The following PRPF3 variants were observed in gnomAD, a reference collection of about 807,000 sequenced individuals.
The protein encoded by PRPF3 is pre-mRNA processing factor 3, also known as U4/U6 small nuclear ribonucleoprotein Prp3.
Under a neutral mutation model 89.2 loss-of-function variants are expected in PRPF3, and 3 were observed. The ratio of observed to expected loss-of-function variants is 0.03; its 90% CI spans 0.02 to 0.09. PRPF3 has a LOEUF of 0.09. Ranked by LOEUF, PRPF3 falls within the 10% of genes least tolerant of loss-of-function variation. The pLI is 1.00. For missense variants in PRPF3, 463 were observed against 828.8 expected (o/e 0.56, Z 5.42); for synonymous variants, 270 against 289.1 (o/e 0.93, Z 0.67).
rs879968712 is a variant in PRPF3, at chr1:150,325,668, C to G, written c.146-83C>G. 43 of 1,537,576 alleles carry G rather than the reference C, an allele frequency of 2.8e-5. No individual in the cohort carries two copies. In the South Asian group the frequency reaches 4.6e-4, roughly 17 times the overall value. ...TGTTTCACTCCTGGGAATAAAATTC[C>G]AGTGTTGGTACCTGTTATAGGCCTA... On this transcript the variant is annotated intron_variant, in intron 2 of 15. Coordinates refer to ENST00000324862, the MANE Select transcript of PRPF3 (RefSeq NM_004698.4).
intron 3 of PRPF3, chr1:150,328,054 A>AATGTG (rs1655917174): frequency 4.4e-6 from 2 of 454,370 alleles, no homozygotes; most frequent in Admixed American, 3.6e-5. Flanking sequence ...AATCATTATA[A>AATGTG]ATGTGAGCAG....
chr1:150,327,319 G>A (rs1200959530), intron 3 of PRPF3, among the ~76,000 whole-genome samples: 3 of 152,040 alleles, frequency 2.0e-5, no homozygotes, highest in East Asian at 3.9e-4. Context: ...GCTCGCCTCG[G>A]CCTCCCAAAG....
At chr1:150,337,119 A>G (rs587761780) in intron 7 of PRPF3, among the ~76,000 whole-genome samples, 1 of 143,780 alleles carries the variant, frequency 7.0e-6, no homozygotes, top group African/African-American at 2.6e-5. Context: ...GCTCACTGAA[A>G]GCTCCGCCTT....
intron 5 of PRPF3, 87 bp from the exon 6 acceptor site, chr1:150,332,892 C>T: frequency 2.0e-6 from 3 of 1,488,342 alleles, no homozygotes; most frequent in South Asian, 1.1e-5. Context: ...CTACAGTCTA[C>T]CATGATGTGT....
chr1:150,334,130 C>T (rs1481005755), intron 6 of PRPF3, among the ~76,000 whole-genome samples: 1 of 151,862 alleles, frequency 6.6e-6, no homozygotes, highest in Non-Finnish European at 1.5e-5. Flanking sequence ...CATGGCAAAA[C>T]CCCATCTCTC....
At chr1:150,324,621 A>G (rs1263527216) in intron 1 of PRPF3, among the ~76,000 whole-genome samples, 2 of 147,180 alleles carry the variant, frequency 1.4e-5, no homozygotes, top group Admixed American at 1.4e-4. Context: ...TGCGATTTTG[A>G]CTTGTTGCAA....
intron 8 of PRPF3, 38 bp downstream of exon 8, chr1:150,338,364 T>G (rs782231040): frequency 6.3e-7 from 1 of 1,593,436 alleles, no homozygotes; most frequent in East Asian, 2.2e-5. Context: ...AAAACAGTTT[T>G]TAATCAGCTG....
intron 9 of PRPF3, 45 bp from the exon 10 acceptor site, chr1:150,343,264 T>G: frequency 7.3e-7 from 1 of 1,376,934 alleles, no homozygotes; most frequent in Non-Finnish European, 1.0e-6. Flanking sequence ...TATATATATA[T>G]ATGTATTCTT....
At chr1:150,335,685 G>A (rs1454848596) in intron 7 of PRPF3, among the ~76,000 whole-genome samples, 5 of 151,476 alleles carry the variant, frequency 3.3e-5, no homozygotes, top group Non-Finnish European at 7.4e-5. Flanking sequence ...GGCTGGTCTC[G>A]AACTCCTGAC....
At chr1:150,348,727 C>T (rs894397439) in intron 14 of PRPF3, 17 of 217,706 alleles carry the variant, frequency 7.8e-5, no homozygotes, top group Admixed American at 5.8e-4. Flanking sequence ...CCTCCCAAAG[C>T]GCTAGGATTA....
chr1:150,339,639 T>C (rs1657459875), intron 8 of PRPF3, among the ~76,000 whole-genome samples: 2 of 151,676 alleles, frequency 1.3e-5, no homozygotes, highest in African/African-American at 2.4e-5. Context: ...GGTTTCTCCA[T>C]GTTGGTCAGG....
intron 4 of PRPF3, among the ~76,000 whole-genome samples, chr1:150,331,651 C>T (rs918825404): frequency 1.3e-5 from 2 of 152,202 alleles, no homozygotes; most frequent in Non-Finnish European, 2.9e-5. Context: ...AGGCGTGAGC[C>T]ACCATGCCTG....
chr1:150,328,597 G>A (rs587617493), intron 4 of PRPF3, 131 bp downstream of exon 4: 24 of 1,011,308 alleles, frequency 2.4e-5, no homozygotes, highest in Non-Finnish European at 3.3e-5. Flanking sequence ...TTGTCACCCA[G>A]GCTGGAATAC....
At position 150,332,701 on chromosome 1, in the gene PRPF3, G is replaced by C; in HGVS notation, c.441G>C (p.Glu147Asp). The change falls in exon 5 of 16, where the codon GAG becomes GAC. Residue 147 changes from glutamate (E) to aspartate (D), a missense_variant. Physicochemically the swap from Glu to Asp is conservative, Grantham distance 45. This residue lies in a region of PRPF3 where 38 missense variants were observed against 48.3 expected (regional missense o/e 0.79). Coordinates refer to ENST00000324862, the MANE Select transcript of PRPF3 (RefSeq NM_004698.4). Reference sequence around the variant, plus strand: ...GAGAGCAGATCAAACAGATGATGGAGGCAGCAACACGACAAATCGAGGAGA... The same window carrying C: ...GAGAGCAGATCAAACAGATGATGGACGCAGCAACACGACAAATCGAGGAGA... Reference protein sequence around the residue: ...LTKLQIKQMMEAATRQIEERK... With the variant: ...LTKLQIKQMMDAATRQIEERK... 1.2e-6 allele frequency: 2 copies of C among 1,614,126 alleles called. No homozygotes were observed. Among genetic ancestry groups the C allele is most frequent in the Non-Finnish European group, 1.7e-6 (2 of 1,180,022 alleles).
intron 7 of PRPF3, among the ~76,000 whole-genome samples, chr1:150,337,612 C>T (rs1048720013): frequency 2.6e-5 from 4 of 151,500 alleles, no homozygotes; most frequent in Non-Finnish European, 5.9e-5. Flanking sequence ...CACTTCTCTA[C>T]TAAAAATACA....
At chr1:150,349,055 T>C (rs1658622912) in intron 14 of PRPF3, 102 bp from the exon 15 acceptor site, 2 of 994,536 alleles carry the variant, frequency 2.0e-6, no homozygotes, top group Middle Eastern at 2.1e-4. Context: ...GTCCAACACA[T>C]AAAAAGGGTG....
intron 7 of PRPF3, among the ~76,000 whole-genome samples, chr1:150,335,463 T>C (rs1553867132): frequency 4.6e-5 from 7 of 152,002 alleles, no homozygotes; most frequent in Admixed American, 4.6e-4. Context: ...ATTGTGTACT[T>C]TATTATTATT....
At chr1:150,349,816 C>G (rs587702559) in intron 15 of PRPF3, among the ~76,000 whole-genome samples, 1 of 138,348 alleles carries the variant, frequency 7.2e-6, no homozygotes, top group South Asian at 2.2e-4. Flanking sequence ...CTTAGAGAAC[C>G]AGTATTAAAA....
At chr1:150,333,392 A>C (rs1260406) in intron 6 of PRPF3, among the ~76,000 whole-genome samples, 193 bp downstream of exon 6, 101,956 of 151,790 alleles carry the variant, frequency 0.67, 34,952 homozygotes, top group African/African-American at 0.81. Flanking sequence ...TATGGTGAAA[A>C]CCCATCTCTA....
Sources: gnomAD v4.1 joint callset for allele counts (sites outside exome capture counted in the v4.1 genomes callset) on GRCh38, gnomAD v4.1.1 for gene constraint, gnomAD v4.1.1 regional missense constraint, MANE v1.5 for transcripts, NCBI Gene and HGNC (gene_info 2026-07-23, HGNC 2026-07-21) for gene names.